The following ZFPM2 variants were observed in gnomAD, a reference collection of about 807,000 sequenced individuals.
ZFPM2 encodes the protein zinc finger protein, FOG family member 2.
A neutral mutation model predicts 98.6 loss-of-function variants in ZFPM2; 20 were observed. That is an observed-to-expected ratio of 0.20 (90% CI 0.14 to 0.29). ZFPM2 has a LOEUF of 0.29. Among genes scored for constraint, ZFPM2 ranks in the 10% least tolerant of loss-of-function variants. The pLI is 1.00. For missense variants in ZFPM2, 1,310 were observed against 1,388.6 expected (o/e 0.94, Z 0.90); for synonymous variants, 518 against 502.7 (o/e 1.03, Z -0.41).
At chr8:105,536,089 T>C (rs1485267727) in intron 3 of ZFPM2, among the ~76,000 whole-genome samples, 2 of 152,152 alleles carry the variant, frequency 1.3e-5, no homozygotes, top group Non-Finnish European at 2.9e-5. Context: ...TGAAATCACA[T>C]TATAGTTTAA....
intron 1 of ZFPM2, among the ~76,000 whole-genome samples, chr8:105,404,265 G>A (rs1214172835): frequency 6.6e-6 from 1 of 151,990 alleles, no homozygotes; most frequent in Non-Finnish European, 1.5e-5. Context: ...TTCATCCACT[G>A]GAACATATTG....
intron 2 of ZFPM2, among the ~76,000 whole-genome samples, chr8:105,428,750 A>G (rs1230220109): frequency 6.6e-6 from 1 of 152,216 alleles, no homozygotes; most frequent in Non-Finnish European, 1.5e-5. Context: ...AAGAGGGGAA[A>G]AGGGCATTGT....
intron 1 of ZFPM2, among the ~76,000 whole-genome samples, chr8:105,399,804 T>C (rs564282985): frequency 6.6e-6 from 1 of 152,312 alleles, no homozygotes; most frequent in East Asian, 1.9e-4. Flanking sequence ...TCTTGCTCTG[T>C]GTCCAGGCTG....
At chr8:105,742,401 G>T (rs933596777) in intron 5 of ZFPM2, among the ~76,000 whole-genome samples, 1 of 148,068 alleles carries the variant, frequency 6.8e-6, no homozygotes, top group Non-Finnish European at 1.5e-5. Context: ...AAAAAAAAAG[G>T]TGTTGGAGTA....
At chr8:105,744,197 C>G (rs1246143444) in intron 5 of ZFPM2, among the ~76,000 whole-genome samples, 2 of 152,072 alleles carry the variant, frequency 1.3e-5, no homozygotes, top group African/African-American at 2.4e-5. Flanking sequence ...TTTCCTCTCT[C>G]TCAACTCTTT....
In ZFPM2 at chr8:105,454,722, C is replaced by A. The variant is rs79062138; in HGVS notation, c.301+10341C>A. ...AAAATTATTATCTTATGAAAGTCTT[C>A]CCTTCGTCCACTATTTGGTTAGCCT... is the stretch of plus-strand genomic sequence containing the variant. On this transcript the variant is annotated intron_variant, in intron 3 of 7. Coordinates refer to ENST00000407775, the MANE Select transcript of ZFPM2 (RefSeq NM_012082.4). Among the ~76,000 whole-genome samples the A allele has an allele frequency of 9.3e-3, 1,421 of 152,284 alleles. 22 individuals carry two copies. Among genetic ancestry groups the A allele is most frequent in the African/African-American group, 0.032 (1,320 of 41,554 alleles).
chr8:105,383,315 C>G (rs1467806100), intron 1 of ZFPM2, among the ~76,000 whole-genome samples: 1 of 152,022 alleles, frequency 6.6e-6, no homozygotes, highest in Non-Finnish European at 1.5e-5. Flanking sequence ...TGACTGGATG[C>G]TTGTTGAATT....
At chr8:105,368,775 G>A (rs979012859) in intron 1 of ZFPM2, among the ~76,000 whole-genome samples, 3 of 152,112 alleles carry the variant, frequency 2.0e-5, no homozygotes, top group African/African-American at 7.2e-5. Context: ...GGAAAGAGGA[G>A]TAGGGGTTGT....
At chr8:105,492,056 A>G (rs13255473) in intron 3 of ZFPM2, among the ~76,000 whole-genome samples, 13,314 of 152,200 alleles carry the variant, frequency 0.087, 691 homozygotes, top group South Asian at 0.15. Context: ...CGTGATTATT[A>G]TAGTAGTTCC....
chr8:105,327,667 C>T (rs775246277), intron 1 of ZFPM2, among the ~76,000 whole-genome samples: 23 of 151,606 alleles, frequency 1.5e-4, no homozygotes, highest in Non-Finnish European at 2.2e-4. Context: ...TCCATTTTCC[C>T]TTTGCATGCT....
At chr8:105,599,608 T>C (rs1324562091) in intron 4 of ZFPM2, among the ~76,000 whole-genome samples, 1 of 152,008 alleles carries the variant, frequency 6.6e-6, no homozygotes, top group East Asian at 1.9e-4. Context: ...ATTTGTGTGA[T>C]TGGTTAATTT....
chr8:105,418,910 C>T lies in ZFPM2; in HGVS notation c.41-234C>T, dbSNP rs1476428270. 1.2e-5 allele frequency: 7 copies of T among 583,322 alleles called. No homozygotes were observed. In the African/African-American group the frequency reaches 1.3e-4, roughly 11 times the overall value. The allele number at this position is 583,322 out of a possible 1,614,324, so 36.1% of individuals were successfully genotyped here. ...TGGGGGTGGGGACGCAATGGAGATG[C>T]AGGTTGCTTTCTGTGTTATAACTTC... On this transcript the variant is annotated intron_variant, in intron 1 of 7. Transcript: ENST00000407775.
At chr8:105,521,480 A>T (rs1048126586) in intron 3 of ZFPM2, among the ~76,000 whole-genome samples, 1 of 152,182 alleles carries the variant, frequency 6.6e-6, no homozygotes, top group African/African-American at 2.4e-5. Flanking sequence ...TATAAAGGGA[A>T]TTGCATTTAA....
At chr8:105,473,526 G>T (rs1399320670) in intron 3 of ZFPM2, among the ~76,000 whole-genome samples, 1 of 152,098 alleles carries the variant, frequency 6.6e-6, no homozygotes, top group African/African-American at 2.4e-5. Context: ...AGTGATTCGA[G>T]ATCTATTCAA....
intron 3 of ZFPM2, among the ~76,000 whole-genome samples, chr8:105,482,607 T>C (rs1813142536): frequency 6.6e-6 from 1 of 152,182 alleles, no homozygotes; most frequent in Non-Finnish European, 1.5e-5. Flanking sequence ...TTAGTGGTTT[T>C]CTTTCAATGT....
At chr8:105,362,331 A>G (rs2957455) in intron 1 of ZFPM2, among the ~76,000 whole-genome samples, 125,447 of 151,732 alleles carry the variant, frequency 0.83, 52,079 homozygotes, top group East Asian at 0.97. Flanking sequence ...ATACTGGATC[A>G]GGGTAACTGA....
chr8:105,612,206 A>G (rs2130801355), intron 4 of ZFPM2, among the ~76,000 whole-genome samples: 1 of 152,290 alleles, frequency 6.6e-6, no homozygotes, highest in Non-Finnish European at 1.5e-5. Context: ...GGATTTATAA[A>G]CTACCATTTG....
rs188282535 is a variant in ZFPM2 at position 105,644,939 on chromosome 8, G to A, written c.532+10582G>A. Among the ~76,000 whole-genome samples, 7 of 152,290 alleles carry A rather than the reference G, an allele frequency of 4.6e-5. No individual in the cohort carries two copies. In the East Asian group the frequency reaches 1.4e-3, roughly 29 times the overall value. ...AGTTCCAACATATACATTTTGGGGA[G>A]ACATAAACATTCAGTTGATAACCTC... On this transcript the variant is annotated intron_variant, in intron 5 of 7. Transcript: ENST00000407775.
At chr8:105,525,590 A>G (rs1814157737) in intron 3 of ZFPM2, among the ~76,000 whole-genome samples, 1 of 152,170 alleles carries the variant, frequency 6.6e-6, no homozygotes, top group Admixed American at 6.5e-5. Flanking sequence ...GGATTGTGCA[A>G]CTAAATTTTC....
Sources: gnomAD v4.1 joint callset for allele counts (sites outside exome capture counted in the v4.1 genomes callset) on GRCh38, gnomAD v4.1.1 for gene constraint, MANE v1.5 for transcripts, NCBI Gene and HGNC (gene_info 2026-07-23, HGNC 2026-07-21) for gene names.